Variants in TRIM51G observed in about 807,000 individuals in gnomAD.
TRIM51G encodes tripartite motif-containing 51G.
the TRIM51G span, among the ~76,000 whole-genome samples, chr11:48,977,839 G>A: frequency 6.6e-6 from 1 of 151,804 alleles, no homozygotes; most frequent in Admixed American, 6.6e-5. Flanking sequence ...AGGAAATTAG[G>A]AATAGAGATG....
At chr11:48,978,201 G>A in the TRIM51G span, 1 of 531,234 alleles carries the variant, frequency 1.9e-6, no homozygotes, top group South Asian at 1.4e-5. Flanking sequence ...TCCACAAGAT[G>A]CATCTTCAAC....
chr11:48,979,414 C>G, the TRIM51G span, among the ~76,000 whole-genome samples: 2 of 152,096 alleles, frequency 1.3e-5, no homozygotes, highest in Admixed American at 6.6e-5. Flanking sequence ...GTTATGCTGA[C>G]TAGGTAAGAA....
the TRIM51G span, among the ~76,000 whole-genome samples, chr11:48,977,456 A>G: frequency 6.6e-6 from 1 of 152,180 alleles, no homozygotes; most frequent in Non-Finnish European, 1.5e-5. Flanking sequence ...GAGAATATTC[A>G]AAAATGAAAT....
At chr11:48,982,668 C>T in the TRIM51G span, among the ~76,000 whole-genome samples, 10 of 151,780 alleles carry the variant, frequency 6.6e-5, no homozygotes, top group Admixed American at 6.6e-4. Context: ...TTAATGACAG[C>T]CTGTGTTCAA....
At chr11:48,982,978 T>TATATATAC in the TRIM51G span, among the ~76,000 whole-genome samples, 1 of 107,818 alleles carries the variant, frequency 9.3e-6, no homozygotes, top group East Asian at 3.5e-4. Flanking sequence ...TATATATATA[T>TATATATAC]ATATATATAG....
chr11:48,981,736 GGGTT>G, the TRIM51G span: 1 of 1,570,750 alleles, frequency 6.4e-7, no homozygotes, highest in East Asian at 2.2e-5. Flanking sequence ...TTTGGGTTCT[GGGTT>G]GGTGAAAATC....
At chr11:48,975,685 A>G in the TRIM51G span, 3 of 1,498,540 alleles carry the variant, frequency 2.0e-6, no homozygotes, top group Non-Finnish European at 2.8e-6. Context: ...GGTGGTAAAG[A>G]GACTGCAGTG....
chr11:48,979,656 G>T, the TRIM51G span, among the ~76,000 whole-genome samples: 2 of 151,526 alleles, frequency 1.3e-5, no homozygotes, highest in African/African-American at 4.9e-5. Context: ...TGCACATGCT[G>T]TTTTCTATAA....
chr11:48,980,653 T>C, the TRIM51G span, among the ~76,000 whole-genome samples: 1 of 152,120 alleles, frequency 6.6e-6, no homozygotes, highest in Non-Finnish European at 1.5e-5. Context: ...GTTTCTTGTA[T>C]TTGTTGGAGT....
the TRIM51G span, among the ~76,000 whole-genome samples, chr11:48,977,838 G>A: frequency 3.3e-5 from 5 of 151,748 alleles, no homozygotes; most frequent in African/African-American, 1.2e-4. Context: ...AAGGAAATTA[G>A]GAATAGAGAT....
At chr11:48,975,888 A>G in the TRIM51G span, 1 of 821,712 alleles carries the variant, frequency 1.2e-6, no homozygotes. Flanking sequence ...ATTCAGATTT[A>G]TCAGTGATAT....
chr11:48,982,478 C>T, the TRIM51G span, among the ~76,000 whole-genome samples: 1 of 151,966 alleles, frequency 6.6e-6, no homozygotes, highest in Non-Finnish European at 1.5e-5. Context: ...AAGGTGTTTG[C>T]AGAGAGACAT....
At chr11:48,978,887 A>T in the TRIM51G span, 2 of 1,472,834 alleles carry the variant, frequency 1.4e-6, no homozygotes, top group Non-Finnish European at 1.9e-6. Flanking sequence ...ATAGCTCCAC[A>T]ACTGCTTTAT....
At chr11:48,979,815 A>AAT in the TRIM51G span, among the ~76,000 whole-genome samples, 1 of 146,580 alleles carries the variant, frequency 6.8e-6, no homozygotes, top group Non-Finnish European at 1.5e-5. Context: ...ATATATATAT[A>AAT]ATATATATAC....
the TRIM51G span, chr11:48,981,419 A>G: frequency 6.2e-7 from 1 of 1,607,826 alleles, no homozygotes; most frequent in Non-Finnish European, 8.5e-7. Context: ...TGCGTCCCAC[A>G]TATTTGCTCC....
chr11:48,977,006 C>T, the TRIM51G span: 84 of 634,626 alleles, frequency 1.3e-4, no homozygotes, highest in South Asian at 2.9e-4. Context: ...AAAGATTTGA[C>T]GAAGGGTAAA....
the TRIM51G span, chr11:48,981,841 A>T: frequency 1.1e-6 from 1 of 933,284 alleles, no homozygotes; most frequent in South Asian, 1.6e-5. Context: ...AACAAAAATG[A>T]AAAATTCATA....
At chr11:48,980,180 G>A in the TRIM51G span, among the ~76,000 whole-genome samples, 1 of 151,526 alleles carries the variant, frequency 6.6e-6, no homozygotes, top group Non-Finnish European at 1.5e-5. Flanking sequence ...ACCTAGACTA[G>A]GTACTCACAA....
chr11:48,978,659 A>G, the TRIM51G span, among the ~76,000 whole-genome samples: 6 of 152,164 alleles, frequency 3.9e-5, no homozygotes, highest in African/African-American at 1.4e-4. Context: ...CATTCCACAT[A>G]GTTTTGTTGC....
Sources: allele counts gnomAD v4.1 joint callset (sites outside exome capture counted in the v4.1 genomes callset), GRCh38; gene constraint gnomAD v4.1.1; transcripts MANE v1.5; gene names NCBI Gene and HGNC (gene_info 2026-07-23, HGNC 2026-07-21).